SPATA18: variants seen among roughly 807,000 people sequenced by gnomAD.
SPATA18 encodes the protein mitochondria-eating protein.
Under a neutral mutation model 68.1 loss-of-function variants are expected in SPATA18, and 54 were observed. The observed-to-expected ratio is 0.79, with a 90% confidence interval of 0.64 to 0.99. The LOEUF (loss-of-function observed/expected upper bound fraction) is 0.99. SPATA18 is among the 50% of genes least tolerant of loss of function. The probability of loss-of-function intolerance (pLI) is 0.00; values close to 1 mark genes in which losing one functional copy is unlikely to be tolerated. For synonymous variants in SPATA18, 242 were observed against 244.8 expected (o/e 0.99, Z 0.11); for missense variants, 724 against 681.1 (o/e 1.06, Z -0.70).
chr4:52,094,609 C>CT (rs761559620), intron 12 of SPATA18, 37 bp downstream of exon 12: 42 of 1,588,930 alleles, frequency 2.6e-5, no homozygotes, highest in Non-Finnish European at 3.6e-5. Context: ...AAATTTTCTG[C>CT]TTTTTAATAC....
chr4:52,069,886 C>G lies in SPATA18; in HGVS notation c.488C>G (p.Ala163Gly). ...KNRSAISLLA[A>G]EEEINQLKKQ... ...AGATCGGCCATATCCCTTTTGGCTG[C>G]AGAGGAGGAAATAAATCAGCTGAAA... Residue 163 changes from alanine to glycine, a missense_variant, in exon 5 of 13, where the codon GCA becomes GGA. Transcript: ENST00000295213. 1 of 1,590,796 alleles carries G rather than the reference C, an allele frequency of 6.3e-7. No homozygotes were observed. Among genetic ancestry groups the G allele is most frequent in the Non-Finnish European group, 8.6e-7 (1 of 1,165,648 alleles).
intron 11 of SPATA18, among the ~76,000 whole-genome samples, chr4:52,088,743 C>CT (rs1741668267): frequency 6.6e-6 from 1 of 152,172 alleles, no homozygotes; most frequent in Non-Finnish European, 1.5e-5. Flanking sequence ...CTGAAATTTT[C>CT]TTTTTTTGTT....
chr4:52,056,588 C>T (rs928112211), intron 1 of SPATA18, among the ~76,000 whole-genome samples: 1 of 152,106 alleles, frequency 6.6e-6, no homozygotes, highest in Admixed American at 6.5e-5. Context: ...CAGGATCATC[C>T]CTCTCATACC....
At position 52,079,728 on chromosome 4, in the gene SPATA18, A is replaced by G. The variant is rs1023732959; in HGVS notation, c.1180-16A>G. 4.3e-6 allele frequency: 7 copies of G among 1,612,856 alleles called. No individual in the cohort carries two copies. In the African/African-American group the frequency reaches 9.3e-5, roughly 22 times the overall value. On this transcript the variant is annotated splice_polypyrimidine_tract_variant and intron_variant, in intron 8 of 12. Transcript: ENST00000295213. ...CACAGGCTGGTAACAAAGTGATGCCATCTTTTGTTTTTCAGGATGTGATCC... is the reference window on the plus strand; with the variant it reads ...CACAGGCTGGTAACAAAGTGATGCCGTCTTTTGTTTTTCAGGATGTGATCC...
intron 11 of SPATA18, among the ~76,000 whole-genome samples, chr4:52,087,025 A>T (rs1045426318): frequency 2.0e-5 from 3 of 152,156 alleles, no homozygotes; most frequent in African/African-American, 7.2e-5. Flanking sequence ...AGTGATGATG[A>T]GCATTTTTTT....
Position 52,079,938 on chromosome 4 carries a change from GA to G in SPATA18, c.1355+21del. On this transcript the variant is annotated intron_variant, in intron 9 of 12. Transcript: ENST00000295213. ...ATTGCAAGTAAGAGACACAGGAGCA[GA>G]AGCTAAGGGATTTATCATGAATACA... The G allele has an allele frequency of 1.2e-6, 2 of 1,604,606 alleles. No homozygotes were observed. Among genetic ancestry groups the G allele is most frequent in the Non-Finnish European group, 1.7e-6 (2 of 1,175,814 alleles).
At chr4:52,072,562 T>A (rs1176004031) in intron 6 of SPATA18, among the ~76,000 whole-genome samples, 1 of 151,968 alleles carries the variant, frequency 6.6e-6, no homozygotes, top group South Asian at 2.1e-4. Context: ...ACCACCATGC[T>A]CGGTTAATTT....
intron 4 of SPATA18, among the ~76,000 whole-genome samples, chr4:52,064,679 G>T (rs531496484): frequency 2.0e-5 from 3 of 152,296 alleles, no homozygotes; most frequent in African/African-American, 7.2e-5. Context: ...CTCCTTGGTT[G>T]ATGGGCACTT....
intron 10 of SPATA18, 39 bp downstream of exon 10, chr4:52,082,549 T>C: frequency 6.2e-7 from 1 of 1,613,758 alleles, no homozygotes; most frequent in South Asian, 1.1e-5. Flanking sequence ...ATCCCAAGTG[T>C]TTGATTCACA....
At position 52,078,836 on chromosome 4, in the gene SPATA18, T is replaced by C. The variant is rs140789350; in HGVS notation, c.1122T>C (p.Ala374=). The C allele has an allele frequency of 1.7e-5, 27 of 1,607,754 alleles. No homozygotes were observed. The African/African-American group carries it at 2.3e-4, about 13-fold the overall frequency. The change falls in exon 8 of 13, where the codon GCT becomes GCC. Residue 374 remains alanine (A), a synonymous_variant. Transcript: ENST00000295213. ...SYVGSNDFEN[A]VLDYVICHLD... is the part of the protein sequence containing the mutation. ...TGGGGTCGAATGACTTTGAGAATGC[T>C]GTCTTGGATTATGTCATTTGTCATC...
chr4:52,093,739 T>G (rs1742177879), intron 11 of SPATA18, among the ~76,000 whole-genome samples: 1 of 152,204 alleles, frequency 6.6e-6, no homozygotes, highest in Non-Finnish European at 1.5e-5. Context: ...CAATGTCCTC[T>G]GTGAGAATCC....
At chr4:52,073,636 C>A (rs1039626211) in intron 6 of SPATA18, among the ~76,000 whole-genome samples, 26 of 152,212 alleles carry the variant, frequency 1.7e-4, no homozygotes, top group African/African-American at 6.0e-4. Flanking sequence ...AATAAATTAG[C>A]TGGGTATGCC....
chr4:52,055,553 T>C (rs1738265367), intron 1 of SPATA18, among the ~76,000 whole-genome samples: 1 of 152,266 alleles, frequency 6.6e-6, no homozygotes, highest in Non-Finnish European at 1.5e-5. Flanking sequence ...GGTGTGTTTC[T>C]CTATTTTCTT....
At chr4:52,076,746 G>T in intron 6 of SPATA18, 33 bp from the exon 7 acceptor site, 1 of 1,604,722 alleles carries the variant, frequency 6.2e-7, no homozygotes, top group Non-Finnish European at 8.5e-7. Context: ...GCAAATCAAA[G>T]GATTTCCCTG....
chr4:52,086,814 A>G (rs1741474066), intron 11 of SPATA18, among the ~76,000 whole-genome samples: 1 of 152,144 alleles, frequency 6.6e-6, no homozygotes, highest in Non-Finnish European at 1.5e-5. Flanking sequence ...TGGTATTTCC[A>G]GTTCTAGATC....
At chr4:52,067,207 A>T (rs537727916) in intron 4 of SPATA18, among the ~76,000 whole-genome samples, 2 of 152,084 alleles carry the variant, frequency 1.3e-5, no homozygotes, top group African/African-American at 4.8e-5. Context: ...CTAGCATGAG[A>T]TGGTATCTCA....
chr4:52,069,427 A>G (rs1430650642), intron 4 of SPATA18, among the ~76,000 whole-genome samples: 1 of 152,222 alleles, frequency 6.6e-6, no homozygotes, highest in Admixed American at 6.5e-5. Flanking sequence ...AGCAATAAAA[A>G]TCGATGTTGG....
chr4:52,079,766 T>C lies in SPATA18; in HGVS notation c.1202T>C (p.Val401Ala), dbSNP rs761375119. 3.1e-6 allele frequency: 5 copies of C among 1,614,014 alleles called. No individual in the cohort carries two copies. The highest frequency in any genetic ancestry group is 4.2e-6 in the Non-Finnish European group (5 of 1,179,910). ...CAGGATGTGATCCGAGCCATGAATG[T>C]CAATCCCAAGATTTCATTCCCTCCT... ...SVNDVIRAMN[V>A]NPKISFPPVV... Residue 401 changes from valine to alanine, a missense_variant, in exon 9 of 13, where the codon GTC becomes GCC. Val to Ala is a moderately conservative substitution (Grantham distance 64, BLOSUM62 0). Transcript: ENST00000295213.
chr4:52,070,242 A>G (rs1357128859), intron 5 of SPATA18, among the ~76,000 whole-genome samples: 4 of 152,092 alleles, frequency 2.6e-5, no homozygotes, highest in African/African-American at 9.7e-5. Context: ...ACAATTTTGG[A>G]TCCTAACTTT....
Sources: gnomAD v4.1 joint callset for allele counts (sites outside exome capture counted in the v4.1 genomes callset) on GRCh38, gnomAD v4.1.1 for gene constraint, MANE v1.5 for transcripts, NCBI Gene and HGNC (gene_info 2026-07-23, HGNC 2026-07-21) for gene names.